EPHB2: variants seen among roughly 807,000 people sequenced by gnomAD.
EPHB2 encodes EPH receptor B2, also known as ephrin type-B receptor 2.
A neutral mutation model predicts 96.4 loss-of-function variants in EPHB2; 18 were observed. The ratio of observed to expected loss-of-function variants is 0.19; its 90% CI spans 0.13 to 0.28. The LOEUF (loss-of-function observed/expected upper bound fraction) is 0.28. EPHB2 is among the 10% of genes least tolerant of loss of function. EPHB2 has a pLI of 1.00. For synonymous variants in EPHB2, 506 were observed against 534.1 expected, an observed-to-expected ratio of 0.95 and a Z score of 0.72; for missense variants, 989 against 1,355.4, an observed-to-expected ratio of 0.73 and a Z score of 4.25.
In EPHB2 at chr1:22,784,779, A is replaced by G. The variant is rs762710767; in HGVS notation, c.514A>G (p.Ser172Gly). Residue 172 changes from serine (S) to glycine (G), a missense_variant, in exon 3 of 16, where the codon AGC becomes GGC. By Grantham distance (56) the Ser-to-Gly change is moderately conservative. Transcript: ENST00000374630. This position sits in a 1 kb window ranked among gnomAD's most constrained non-coding sequence, Gnocchi z 5.1. ...EVRSFGPVSR[S>G]GFYLAFQDYG... ...GCGGAGCTTCGGACCTGTGTCCCGC[A>G]GCGGCTTCTACCTGGCCTTCCAGGA... The G allele has an allele frequency of 1.9e-6, 3 of 1,607,000 alleles. No homozygotes were observed. The highest frequency in any genetic ancestry group is 1.7e-4 in the Middle Eastern group (1 of 6,030).
chr1:22,752,636 C>CT (rs1644081837), intron 1 of EPHB2, among the ~76,000 whole-genome samples: 1 of 150,954 alleles, frequency 6.6e-6, no homozygotes, highest in South Asian at 2.1e-4. Flanking sequence ...TGAAGAAGGC[C>CT]TGAGCAGAGT....
At chr1:22,840,724 G>A (rs1256019354) in intron 3 of EPHB2, among the ~76,000 whole-genome samples, 1 of 152,158 alleles carries the variant, frequency 6.6e-6, no homozygotes, top group Non-Finnish European at 1.5e-5. Context: ...GCCTCCCGAA[G>A]TGCTGGGATT....
At chr1:22,789,785 G>A (rs1644665046) in intron 3 of EPHB2, among the ~76,000 whole-genome samples, 1 of 152,198 alleles carries the variant, frequency 6.6e-6, no homozygotes, top group Non-Finnish European at 1.5e-5. Flanking sequence ...GAGTGAAGGG[G>A]GAAAGAATTG....
chr1:22,856,189 A>G (rs1016495121), intron 3 of EPHB2, among the ~76,000 whole-genome samples: 3 of 152,202 alleles, frequency 2.0e-5, no homozygotes, highest in Non-Finnish European at 4.4e-5. Flanking sequence ...CCAGCCATTG[A>G]GGTTTTGAGG....
At chr1:22,883,606 C>T (rs1030576332) in intron 6 of EPHB2, among the ~76,000 whole-genome samples, 2 of 152,216 alleles carry the variant, frequency 1.3e-5, no homozygotes, top group African/African-American at 4.8e-5. Flanking sequence ...TCCCTGAAGG[C>T]TGAGAGGAAG....
chr1:22,723,824 G>A (rs1643523451), intron 1 of EPHB2, among the ~76,000 whole-genome samples: 1 of 152,218 alleles, frequency 6.6e-6, no homozygotes, highest in South Asian at 2.1e-4. Context: ...GTTTTACCAA[G>A]CCTCTCTCAT....
chr1:22,760,832 T>C (rs1046285889), intron 1 of EPHB2, among the ~76,000 whole-genome samples: 11 of 152,280 alleles, frequency 7.2e-5, no homozygotes, highest in African/African-American at 2.4e-4. Context: ...GGAGGGTGGC[T>C]GTGTCTCGGG....
chr1:22,773,026 A>G (rs564194677), intron 1 of EPHB2, among the ~76,000 whole-genome samples: 1 of 152,230 alleles, frequency 6.6e-6, no homozygotes, highest in South Asian at 2.1e-4. Flanking sequence ...TGTAAATGAG[A>G]CAATATCGAT....
intron 1 of EPHB2, among the ~76,000 whole-genome samples, chr1:22,712,876 CTA>C (rs1643190882): frequency 6.6e-6 from 1 of 152,174 alleles, no homozygotes; most frequent in Admixed American, 6.5e-5. Flanking sequence ...ATAAATATTG[CTA>C]TTTAGGTTGC....
At chr1:22,759,851 C>G (rs1644210791) in intron 1 of EPHB2, among the ~76,000 whole-genome samples, 1 of 152,188 alleles carries the variant, frequency 6.6e-6, no homozygotes, top group South Asian at 2.1e-4. Context: ...TCACCACAGC[C>G]ACACCCACTG....
intron 3 of EPHB2, among the ~76,000 whole-genome samples, chr1:22,810,615 A>G (rs1238471995): frequency 2.6e-5 from 4 of 152,292 alleles, no homozygotes; most frequent in African/African-American, 9.6e-5. Flanking sequence ...GGAGTTTCCC[A>G]GTGGGTGGGG....
At chr1:22,898,124 AAAAAAAAAAAC>A (rs1468237330) in intron 9 of EPHB2, among the ~76,000 whole-genome samples, 3 of 151,652 alleles carry the variant, frequency 2.0e-5, no homozygotes, top group Admixed American at 6.6e-5. Flanking sequence ...GTCTCAAAAA[AAAAAAAAAAAC>A]AAAAGAAAAA....
chr1:22,866,209 C>T (rs1333166386), intron 5 of EPHB2, among the ~76,000 whole-genome samples: 1 of 152,150 alleles, frequency 6.6e-6, no homozygotes, highest in Non-Finnish European at 1.5e-5. Context: ...ATTCACTCAG[C>T]AACCTTTGCC....
intron 3 of EPHB2, among the ~76,000 whole-genome samples, chr1:22,792,011 A>T (rs538967057): frequency 1.3e-5 from 2 of 151,996 alleles, no homozygotes; most frequent in Non-Finnish European, 2.9e-5. Context: ...CCAGCATGGG[A>T]TGTTATGCCT....
At chr1:22,810,889 T>A (rs1477365743) in intron 3 of EPHB2, among the ~76,000 whole-genome samples, 1 of 152,158 alleles carries the variant, frequency 6.6e-6, no homozygotes, top group African/African-American at 2.4e-5. Flanking sequence ...CAAGAGGCCC[T>A]GGCAGCCCCA....
rs374638527 is a variant in EPHB2 at position 22,814,118 on chromosome 1, C to T, written c.811+29042C>T. On this transcript the variant is annotated intron_variant, in intron 3 of 15. Transcript: ENST00000374630. ...CTGGGAGGCAGAGGTTGCAGTGAGCCGAGATCGCGCCATTGCACTCCAGCC... is the reference window on the plus strand; with the variant it reads ...CTGGGAGGCAGAGGTTGCAGTGAGCTGAGATCGCGCCATTGCACTCCAGCC... Among the ~76,000 whole-genome samples, 14 of 152,078 alleles carry T rather than the reference C, an allele frequency of 9.2e-5. No individual in the cohort carries two copies. The East Asian group carries it at 2.1e-3, about 23-fold the overall frequency.
intron 9 of EPHB2, among the ~76,000 whole-genome samples, chr1:22,896,757 C>A: frequency 6.6e-6 from 1 of 152,212 alleles, no homozygotes; most frequent in East Asian, 1.9e-4. Flanking sequence ...CCCGACCCCA[C>A]CCCATCCTGG....
intron 3 of EPHB2, among the ~76,000 whole-genome samples, chr1:22,815,279 G>T (rs529168959): frequency 6.6e-6 from 1 of 152,060 alleles, no homozygotes. Flanking sequence ...GTTGTGGGGG[G>T]TACAGGAGGC....
intron 3 of EPHB2, among the ~76,000 whole-genome samples, chr1:22,838,991 G>C (rs1415988682): frequency 6.6e-6 from 1 of 151,958 alleles, no homozygotes; most frequent in South Asian, 2.1e-4. Context: ...ACTAGAGAAG[G>C]GTGTGGGGTT....
Sources: gnomAD v4.1 joint callset for allele counts (sites outside exome capture counted in the v4.1 genomes callset) on GRCh38, gnomAD v4.1.1 for gene constraint, Gnocchi (gnomAD v3.1) non-coding constraint, MANE v1.5 for transcripts, NCBI Gene and HGNC (gene_info 2026-07-23, HGNC 2026-07-21) for gene names.